The following RPA3 variants were observed in gnomAD, a reference collection of about 807,000 sequenced individuals.
RPA3 encodes the protein replication protein A3, also known as replication protein A 14 kDa subunit.
In RPA3, 24 loss-of-function variants were observed where a neutral mutation model predicts 13.7. The ratio of observed to expected loss-of-function variants is 1.75; its 90% CI spans 1.27 to 2.46. RPA3 has a LOEUF of 2.46. Ranked by LOEUF, RPA3 falls within the 30% of genes most tolerant of loss-of-function variation. The probability of loss-of-function intolerance (pLI) is 0.00; values close to 1 mark genes in which losing one functional copy is unlikely to be tolerated. For missense variants in RPA3, 183 were observed against 151.0 expected (o/e 1.21, Z -1.11); for synonymous variants, 59 against 51.2 (o/e 1.15, Z -0.65).
intron 2 of RPA3, among the ~76,000 whole-genome samples, chr7:7,708,901 A>G (rs567022021): frequency 6.6e-6 from 1 of 151,800 alleles, no homozygotes; most frequent in East Asian, 1.9e-4. Context: ...TTAACCAGCA[A>G]GGGGTGTGTG....
chr7:7,652,291 G>T (rs556729564), intron 4 of RPA3, among the ~76,000 whole-genome samples: 1 of 152,226 alleles, frequency 6.6e-6, no homozygotes, highest in East Asian at 1.9e-4. Flanking sequence ...GTACTTCTTG[G>T]TCAATACCCA....
chr7:7,713,338 C>T (rs780033810), intron 2 of RPA3, among the ~76,000 whole-genome samples: 4 of 151,580 alleles, frequency 2.6e-5, no homozygotes, highest in Non-Finnish European at 5.9e-5. Context: ...AGTGAGACTC[C>T]ATCTCAAAAC....
At chr7:7,664,081 G>A (rs1464564856) in intron 4 of RPA3, among the ~76,000 whole-genome samples, 4 of 152,134 alleles carry the variant, frequency 2.6e-5, no homozygotes, top group Non-Finnish European at 5.9e-5. Flanking sequence ...TGTAAACATC[G>A]TGAATTTCTT....
chr7:7,688,938 C>G (rs1186943464), intron 2 of RPA3, among the ~76,000 whole-genome samples: 1 of 152,112 alleles, frequency 6.6e-6, no homozygotes, highest in Admixed American at 6.6e-5. Flanking sequence ...GTTAACTTAT[C>G]TATTACTTGG....
At chr7:7,694,050 C>G (rs1780245154) in intron 2 of RPA3, among the ~76,000 whole-genome samples, 1 of 152,054 alleles carries the variant, frequency 6.6e-6, no homozygotes, top group Non-Finnish European at 1.5e-5. Flanking sequence ...TCATTAGACA[C>G]TTGAACAAGA....
At chr7:7,697,763 T>G (rs1232846221) in intron 2 of RPA3, among the ~76,000 whole-genome samples, 1 of 152,194 alleles carries the variant, frequency 6.6e-6, no homozygotes, top group Non-Finnish European at 1.5e-5. Flanking sequence ...ATTTACTGTA[T>G]TTTTTCCTTG....
intron 4 of RPA3, among the ~76,000 whole-genome samples, chr7:7,674,440 T>C (rs981169092): frequency 1.3e-5 from 2 of 152,214 alleles, no homozygotes; most frequent in Non-Finnish European, 2.9e-5. Flanking sequence ...TACTATAGAA[T>C]TTTCCATCAT....
intron 2 of RPA3, among the ~76,000 whole-genome samples, chr7:7,690,386 C>G (rs1193690160): frequency 6.6e-6 from 1 of 151,828 alleles, no homozygotes; most frequent in Non-Finnish European, 1.5e-5. Context: ...AGTTTAAAAC[C>G]AAGTATATAT....
At chr7:7,653,864 G>C in intron 4 of RPA3, among the ~76,000 whole-genome samples, 1 of 152,208 alleles carries the variant, frequency 6.6e-6, no homozygotes, top group East Asian at 1.9e-4. Context: ...GTGGGTTAAA[G>C]CCAGAGATGG....
intron 4 of RPA3, among the ~76,000 whole-genome samples, chr7:7,645,684 CTTAA>C (rs1785078084): frequency 1.3e-5 from 2 of 152,044 alleles, no homozygotes; most frequent in South Asian, 2.1e-4. Context: ...CATTTTTTGC[CTTAA>C]TTGAGATGAT....
chr7:7,689,903 A>T (rs1165428487), intron 2 of RPA3, among the ~76,000 whole-genome samples: 1 of 152,222 alleles, frequency 6.6e-6, no homozygotes, highest in East Asian at 1.9e-4. Context: ...GTAATTGGTG[A>T]TCAGGAAACA....
At chr7:7,670,871 C>A (rs1384284919) in intron 4 of RPA3, among the ~76,000 whole-genome samples, 1 of 152,128 alleles carries the variant, frequency 6.6e-6, no homozygotes, top group Non-Finnish European at 1.5e-5. Context: ...TTTGGGGGAC[C>A]CCTATCTTGG....
chr7:7,699,125 A>G (rs1333225280), intron 2 of RPA3, among the ~76,000 whole-genome samples: 4 of 151,896 alleles, frequency 2.6e-5, no homozygotes, highest in African/African-American at 9.7e-5. Flanking sequence ...AAGTGCTAGC[A>G]TTATAGGTGT....
chr7:7,638,177 G>A (rs1421188842), intron 6 of RPA3: 2 of 457,848 alleles, frequency 4.4e-6, no homozygotes, highest in African/African-American at 2.0e-5. Context: ...GCTACCTTTA[G>A]CAGTAGCTTC....
chr7:7,652,330 T>C (rs1785241687), intron 4 of RPA3, among the ~76,000 whole-genome samples: 1 of 152,240 alleles, frequency 6.6e-6, no homozygotes, highest in African/African-American at 2.4e-5. Context: ...GAAGTTTGAC[T>C]CAGACTTTGA....
chr7:7,638,605 C>A (rs887913836), intron 6 of RPA3: 1 of 153,658 alleles, frequency 6.5e-6, no homozygotes, highest in African/African-American at 2.4e-5. Context: ...GTTAAGCATG[C>A]CTGTAGTCCC....
At chr7:7,640,002 C>G (rs1214197924) in intron 5 of RPA3, 1 of 357,866 alleles carries the variant, frequency 2.8e-6, no homozygotes, top group African/African-American at 2.2e-5. Context: ...TCCGTCACGT[C>G]TGAGTAAACT....
rs560207272 is a variant in RPA3 at position 7,717,432 on chromosome 7, C to A, written c.-1080+1083G>T. Among the ~76,000 whole-genome samples, 12 of 152,280 alleles carry A rather than the reference C, an allele frequency of 7.9e-5. No individual in the cohort carries two copies. In the South Asian group the frequency reaches 2.3e-3, roughly 29 times the overall value. On this transcript the variant is annotated intron_variant, in intron 1 of 7. Transcript: ENST00000223129. ...TGTCCTCGTCCTTCAGTTTCTTTGGCGTGAGACGATAACCTCAGGTATTTA... is the reference window on the plus strand; with the variant it reads ...TGTCCTCGTCCTTCAGTTTCTTTGGAGTGAGACGATAACCTCAGGTATTTA...
At chr7:7,703,320 T>G (rs920747251) in intron 2 of RPA3, among the ~76,000 whole-genome samples, 3 of 152,202 alleles carry the variant, frequency 2.0e-5, no homozygotes, top group African/African-American at 7.2e-5. Context: ...AGGTTGCAGT[T>G]TAAATTGATC....
Sources: allele counts gnomAD v4.1 joint callset (sites outside exome capture counted in the v4.1 genomes callset), GRCh38; gene constraint gnomAD v4.1.1; transcripts MANE v1.5; gene names NCBI Gene and HGNC (gene_info 2026-07-23, HGNC 2026-07-21).